The following ZNF521 variants were observed in gnomAD, a reference collection of about 807,000 sequenced individuals.
ZNF521 encodes LYST-interacting protein 3.
In ZNF521, 14 loss-of-function variants were observed where a neutral mutation model predicts 105.5. The observed-to-expected ratio is 0.13, with a 90% confidence interval of 0.09 to 0.21. The LOEUF (loss-of-function observed/expected upper bound fraction) is 0.21, where lower values mean the gene tolerates loss of function less well. ZNF521 is among the 10% of genes least tolerant of loss of function. The probability of loss-of-function intolerance (pLI) is 1.00; values close to 1 mark genes in which losing one functional copy is unlikely to be tolerated. For missense variants in ZNF521, 1,233 were observed against 1,629.7 expected (o/e 0.76, Z 4.19); for synonymous variants, 635 against 606.0 (o/e 1.05, Z -0.70).
chr18:25,161,544 T>G (rs1471401429), intron 5 of ZNF521, among the ~76,000 whole-genome samples: 15 of 152,228 alleles, frequency 9.9e-5, no homozygotes, highest in Non-Finnish European at 2.9e-5. Context: ...TTCCCACTAG[T>G]CACAGTCTAA....
intron 5 of ZNF521, among the ~76,000 whole-genome samples, chr18:25,157,092 G>A (rs555496704): frequency 8.5e-5 from 13 of 152,200 alleles, no homozygotes; most frequent in East Asian, 7.7e-4. Flanking sequence ...CCAGCTACCC[G>A]GGGGCTGAGG....
rs1207844930 is a variant in ZNF521 at position 25,226,906 on chromosome 18, A to G, written c.1012T>C (p.Cys338Arg). The G allele has an allele frequency of 6.2e-6, 10 of 1,613,606 alleles. No individual in the cohort carries two copies. Among genetic ancestry groups the G allele is most frequent in the Non-Finnish European group, 7.6e-6 (9 of 1,179,984 alleles). ...AGGGAAGGGCTGTTGCTGTGATTGC[A>G]TGACTCCGGTTGCTGGTGACTGTCC... ...HMDSHQQPES[C>R]NHSNSPSLVT... Residue 338 changes from cysteine (C) to arginine (R), a missense_variant, in exon 4 of 8, where the codon TGC becomes CGC. Transcript: ENST00000361524. This position sits in a 1 kb window ranked among gnomAD's most constrained non-coding sequence, Gnocchi z 4.1.
At chr18:25,072,088 C>T (rs1304175965) in intron 7 of ZNF521, among the ~76,000 whole-genome samples, 6 of 152,290 alleles carry the variant, frequency 3.9e-5, no homozygotes, top group South Asian at 2.1e-4. Context: ...AGTTCAAAAA[C>T]GGCCTATTTT....
intron 5 of ZNF521, among the ~76,000 whole-genome samples, chr18:25,140,011 A>C (rs1291382155): frequency 6.6e-6 from 1 of 152,150 alleles, no homozygotes; most frequent in Non-Finnish European, 1.5e-5. Context: ...AGGTGCCTTG[A>C]TCTCCAACTT....
chr18:25,233,356 A>G (rs924798701), intron 3 of ZNF521, among the ~76,000 whole-genome samples: 2 of 152,174 alleles, frequency 1.3e-5, no homozygotes, highest in African/African-American at 4.8e-5. Flanking sequence ...AAAAAAATCA[A>G]CAGCTCCACA....
At chr18:25,152,203 G>A (rs1465124534) in intron 5 of ZNF521, among the ~76,000 whole-genome samples, 1 of 152,188 alleles carries the variant, frequency 6.6e-6, no homozygotes, top group East Asian at 1.9e-4. Context: ...TCTAGGCTGG[G>A]CATGGTGGCT....
chr18:25,209,528 T>C (rs1461667011), intron 4 of ZNF521, among the ~76,000 whole-genome samples: 3 of 152,220 alleles, frequency 2.0e-5, no homozygotes, highest in Admixed American at 6.5e-5. Context: ...ATGTGATTCA[T>C]ACAGGGCATC....
At chr18:25,150,880 TTTTC>T (rs1208944406) in intron 5 of ZNF521, among the ~76,000 whole-genome samples, 1 of 140,560 alleles carries the variant, frequency 7.1e-6, no homozygotes, top group Non-Finnish European at 1.6e-5. Context: ...AGCTCTTTTT[TTTTC>T]TTTTTTCTTT....
chr18:25,225,400 G>T lies in ZNF521; in HGVS notation c.2518C>A (p.Pro840Thr), dbSNP rs1218590456. The T allele has an allele frequency of 1.9e-6, 3 of 1,614,174 alleles. No individual in the cohort carries two copies. In the South Asian group the frequency reaches 3.3e-5, roughly 18 times the overall value. The change falls in exon 4 of 8, where the codon CCC becomes ACC. Residue 840 changes from proline (P) to threonine (T), a missense_variant. Coordinates refer to ENST00000361524, the MANE Select transcript of ZNF521 (RefSeq NM_015461.3). The surrounding 1 kb of genome is among the most constrained non-coding windows in gnomAD (Gnocchi z 5.6). The part of the protein sequence containing the change: ...EKHCVFETKT[P>T]NCGTNGASEQ... ...GAAGCTCCATTTGTTCCACAGTTGG[G>T]TGTCTTGGTTTCGAATACACAGTGT...
At position 25,062,519 on chromosome 18, in the gene ZNF521, T is replaced by C. The variant is rs2032924295; in HGVS notation, c.*193A>G. ...ACGACATAATACATGTGCAACACTT[T>C]ATATACAAGGGGTCTATCCGGTGCG... On this transcript the variant is annotated 3_prime_UTR_variant, in exon 8 of 8. Transcript: ENST00000361524. 1 of 665,336 alleles carries C rather than the reference T, an allele frequency of 1.5e-6. No individual in the cohort carries two copies. The highest frequency in any genetic ancestry group is 2.5e-6 in the Non-Finnish European group (1 of 402,672). 41.2% of individuals were successfully genotyped at this position (665,336 alleles called of 1,614,324 possible).
intron 5 of ZNF521, among the ~76,000 whole-genome samples, chr18:25,180,839 A>AAACAACAACAAC (rs59270952): frequency 2.6e-5 from 4 of 151,792 alleles, no homozygotes; most frequent in African/African-American, 9.7e-5. Context: ...GCCTCATTCA[A>AAACAACAACAAC]AACAACAACA....
At position 25,175,090 on chromosome 18, in the gene ZNF521, C is replaced by T. The variant is rs545741912; in HGVS notation, c.3658+20070G>A. On this transcript the variant is annotated intron_variant, in intron 5 of 7. Coordinates refer to ENST00000361524, the MANE Select transcript of ZNF521 (RefSeq NM_015461.3). ...GTTAATGGAAATTCTACACCAATTTCCAAGGTGATCTGAGGAATACAGAAG... is the reference window on the plus strand; with the variant it reads ...GTTAATGGAAATTCTACACCAATTTTCAAGGTGATCTGAGGAATACAGAAG... 2.0e-5 allele frequency among the ~76,000 whole-genome samples: 3 copies of T among 152,278 alleles called. No individual in the cohort carries two copies. The East Asian group carries it at 5.8e-4, about 29-fold the overall frequency.
chr18:25,272,355 G>A (rs971547685), intron 3 of ZNF521, among the ~76,000 whole-genome samples: 6 of 152,126 alleles, frequency 3.9e-5, no homozygotes, highest in South Asian at 4.1e-4. Context: ...ACAGTGTAGC[G>A]ATTCCTCAAG....
At chr18:25,135,635 T>C (rs1304229955) in intron 5 of ZNF521, among the ~76,000 whole-genome samples, 17 of 152,184 alleles carry the variant, frequency 1.1e-4, no homozygotes. Flanking sequence ...GGAGCACAGC[T>C]AATTTTAACA....
At chr18:25,089,685 G>C (rs1480170801) in intron 6 of ZNF521, 105 bp from the exon 7 acceptor site, 3 of 845,658 alleles carry the variant, frequency 3.5e-6, no homozygotes, top group South Asian at 1.5e-5. Flanking sequence ...ACGCCTCCCA[G>C]GTGTGACTTA....
chr18:25,226,439 C>T lies in ZNF521; in HGVS notation c.1479G>A (p.Gln493=). The part of the protein sequence containing the change: ...SEVVNDLNTL[Q]EHIRCSHGFA... ...ATCCATGAGAACATCGGATGTGTTC[C>T]TGAAGAGTGTTGAGGTCGTTGACAA... is the stretch of plus-strand genomic sequence containing the variant. Residue 493 remains glutamine, a synonymous_variant, in exon 4 of 8, where the codon CAG becomes CAA. Transcript: ENST00000361524. The surrounding 1 kb of genome is among the most constrained non-coding windows in gnomAD (Gnocchi z 4.1). 6.2e-7 allele frequency: 1 copy of T among 1,614,098 alleles called. No individual in the cohort carries two copies. The highest frequency in any genetic ancestry group is 1.7e-5 in the Admixed American group (1 of 60,016).
intron 3 of ZNF521, among the ~76,000 whole-genome samples, chr18:25,285,616 A>G (rs541912213): frequency 1.5e-4 from 22 of 151,526 alleles, no homozygotes; most frequent in Non-Finnish European, 2.7e-4. Flanking sequence ...GCAAAAGACA[A>G]CCACCCCCTC....
At chr18:25,301,040 A>C (rs559164557) in intron 3 of ZNF521, among the ~76,000 whole-genome samples, 18 of 152,338 alleles carry the variant, frequency 1.2e-4, no homozygotes, top group Admixed American at 1.1e-3. Flanking sequence ...GAAAGCATCC[A>C]TAACTTTTCC....
intron 3 of ZNF521, among the ~76,000 whole-genome samples, chr18:25,232,403 C>T (rs1321802160): frequency 6.6e-6 from 1 of 152,182 alleles, no homozygotes; most frequent in Non-Finnish European, 1.5e-5. Context: ...GCATGTATTT[C>T]TGTTTCCATG....
Sources: allele counts gnomAD v4.1 joint callset (sites outside exome capture counted in the v4.1 genomes callset), GRCh38; gene constraint gnomAD v4.1.1; non-coding constraint Gnocchi (gnomAD v3.1); transcripts MANE v1.5; gene names NCBI Gene and HGNC (gene_info 2026-07-23, HGNC 2026-07-21).